Variants in CEMIP observed in about 807,000 individuals in gnomAD.
The protein encoded by CEMIP is cell migration inducing hyaluronidase 1.
CEMIP carries 105 observed loss-of-function variants against 156.9 expected under a neutral mutation model. The observed-to-expected ratio is 0.67, with a 90% CI of 0.57 to 0.79. The LOEUF is 0.79. Ranked by LOEUF, CEMIP falls within the 30% of genes least tolerant of loss-of-function variation. The pLI, the probability that CEMIP is intolerant of heterozygous loss-of-function variation, is 0.00. For synonymous variants in CEMIP, 676 were observed against 668.4 expected (o/e 1.01, Z -0.17); for missense variants, 1,457 against 1,769.4 (o/e 0.82, Z 3.17).
intron 7 of CEMIP, 71 bp from the exon 8 acceptor site, chr15:80,887,623 T>C: frequency 1.7e-6 from 2 of 1,209,022 alleles, no homozygotes; most frequent in Non-Finnish European, 2.4e-6. Context: ...CTCTGCCCCA[T>C]CCCCCCACAC....
intron 1 of CEMIP, among the ~76,000 whole-genome samples, chr15:80,835,744 T>A (rs1347850815): frequency 2.6e-5 from 4 of 152,352 alleles, no homozygotes; most frequent in South Asian, 2.1e-4. Flanking sequence ...GTTTCCTCTT[T>A]CTTAGGGACC....
intron 1 of CEMIP, among the ~76,000 whole-genome samples, chr15:80,829,512 C>T (rs1170208338): frequency 1.3e-5 from 2 of 152,216 alleles, no homozygotes; most frequent in African/African-American, 4.8e-5. Context: ...ACCGCCCTGC[C>T]ATGTTGGGCA....
At chr15:80,864,330 C>T (rs1031819899) in intron 1 of CEMIP, among the ~76,000 whole-genome samples, 1 of 152,250 alleles carries the variant, frequency 6.6e-6, no homozygotes, top group Non-Finnish European at 1.5e-5. Context: ...CTGTGGCAAG[C>T]TTTCAAGAAA....
intron 21 of CEMIP, among the ~76,000 whole-genome samples, chr15:80,929,804 T>C (rs555021662): frequency 1.1e-4 from 17 of 152,350 alleles, no homozygotes; most frequent in African/African-American, 3.8e-4. Flanking sequence ...ATAGCAGGAC[T>C]GTCCTGAGGA....
At chr15:80,846,997 G>A (rs1186064035) in intron 1 of CEMIP, among the ~76,000 whole-genome samples, 1 of 152,208 alleles carries the variant, frequency 6.6e-6, no homozygotes, top group African/African-American at 2.4e-5. Flanking sequence ...AGGAAATTGT[G>A]TATTTTAGAA....
intron 1 of CEMIP, among the ~76,000 whole-genome samples, chr15:80,843,729 T>G (rs1008188670): frequency 1.3e-5 from 2 of 152,204 alleles, no homozygotes; most frequent in Non-Finnish European, 2.9e-5. Context: ...TCCATCTCTA[T>G]CAGCTCATGG....
At chr15:80,920,382 C>T in intron 15 of CEMIP, 83 bp downstream of exon 15, 2 of 1,311,650 alleles carry the variant, frequency 1.5e-6, no homozygotes, top group East Asian at 2.5e-5. Flanking sequence ...CAGCCCAGCA[C>T]CAGACTTCTG....
chr15:80,893,833 T>C (rs1180189645), intron 10 of CEMIP, among the ~76,000 whole-genome samples: 2 of 147,744 alleles, frequency 1.4e-5, no homozygotes, highest in Non-Finnish European at 3.0e-5. Flanking sequence ...AAAAGTCTCC[T>C]CTTTTTTTTT....
In CEMIP at chr15:80,906,833, A is replaced by C; in HGVS notation, c.1582A>C (p.Ile528Leu). ...TGACTTCGATACCTTTGGGGGCCAC[A>C]TCAAGGTATGTGTCTCTCTGGCAGA... is the stretch of plus-strand genomic sequence containing the variant. ...FFDFDTFGGH[I>L]KFALGFKAAH... Residue 528 changes from isoleucine to leucine, a missense_variant, in exon 13 of 30, where the codon ATC becomes CTC. This residue lies in a region of CEMIP where 280 missense variants were observed against 300.3 expected (regional missense o/e 0.93). Coordinates refer to ENST00000394685, the MANE Select transcript of CEMIP (RefSeq NM_001293298.2). The surrounding 1 kb of genome is among the most constrained non-coding windows in gnomAD (Gnocchi z 4.3). 6.2e-7 allele frequency: 1 copy of C among 1,612,778 alleles called. No individual in the cohort carries two copies. Among genetic ancestry groups the C allele is most frequent in the Non-Finnish European group, 8.5e-7 (1 of 1,179,316 alleles).
intron 5 of CEMIP, among the ~76,000 whole-genome samples, chr15:80,880,420 G>T (rs186769136): frequency 6.6e-6 from 1 of 152,290 alleles, no homozygotes; most frequent in Admixed American, 6.5e-5. Context: ...AGATTGGGTT[G>T]CTAATGTTTT....
intron 1 of CEMIP, among the ~76,000 whole-genome samples, chr15:80,829,804 G>C (rs1897113896): frequency 6.6e-6 from 1 of 152,200 alleles, no homozygotes; most frequent in Non-Finnish European, 1.5e-5. Flanking sequence ...TACCTTTAAG[G>C]AGTATTGGGT....
At chr15:80,785,029 A>C (rs3848178) in intron 1 of CEMIP, among the ~76,000 whole-genome samples, 73,031 of 152,100 alleles carry the variant, frequency 0.48, 18,201 homozygotes, top group South Asian at 0.69. Flanking sequence ...CCATCTTATC[A>C]GCAGACTAAA....
intron 1 of CEMIP, among the ~76,000 whole-genome samples, chr15:80,856,661 C>T (rs1185179153): frequency 6.6e-6 from 1 of 152,182 alleles, no homozygotes. Flanking sequence ...ATCTCTGTCA[C>T]AGCTCCCTGG....
rs866758862 is a variant in CEMIP at position 80,854,287 on chromosome 15, G to A, written c.-175-19251G>A. ...TGGGCCACAGCTCAGCTCTGCAAATGTAGCCAGAGCCTGAGGCGGGGGCTC... is the reference window on the plus strand; with the variant it reads ...TGGGCCACAGCTCAGCTCTGCAAATATAGCCAGAGCCTGAGGCGGGGGCTC... On this transcript the variant is annotated intron_variant, in intron 1 of 29. Transcript: ENST00000394685. 5.9e-5 allele frequency among the ~76,000 whole-genome samples: 9 copies of A among 152,386 alleles called. 1 individual carries two copies. In the South Asian group the frequency reaches 1.9e-3, roughly 32 times the overall value.
intron 1 of CEMIP, among the ~76,000 whole-genome samples, chr15:80,862,653 G>A (rs371869253): frequency 1.3e-5 from 2 of 152,196 alleles, no homozygotes; most frequent in Non-Finnish European, 2.9e-5. Context: ...GGGCTGGACT[G>A]GGGGGAGAAT....
At chr15:80,826,598 A>T (rs1201450898) in intron 1 of CEMIP, among the ~76,000 whole-genome samples, 1 of 152,182 alleles carries the variant, frequency 6.6e-6, no homozygotes, top group Non-Finnish European at 1.5e-5. Context: ...CTTTTAAATT[A>T]TGCAGGCCTC....
intron 14 of CEMIP, among the ~76,000 whole-genome samples, chr15:80,910,161 A>C (rs1356600053): frequency 6.6e-6 from 1 of 152,258 alleles, no homozygotes; most frequent in Non-Finnish European, 1.5e-5. Context: ...ATTAGTTTCC[A>C]TCATTTAAAA....
At chr15:80,856,483 G>A (rs912779750) in intron 1 of CEMIP, among the ~76,000 whole-genome samples, 16 of 152,180 alleles carry the variant, frequency 1.1e-4, no homozygotes, top group African/African-American at 3.6e-4. Flanking sequence ...TGTTCACTGT[G>A]AGATTCTTTC....
chr15:80,942,822 T>C, intron 27 of CEMIP, 123 bp from the exon 28 acceptor site: 1 of 1,139,426 alleles, frequency 8.8e-7, no homozygotes, highest in East Asian at 2.3e-5. Context: ...GATAATGGAG[T>C]TTACGCTTCA....
Sources: gnomAD v4.1 joint callset for allele counts (sites outside exome capture counted in the v4.1 genomes callset) on GRCh38, gnomAD v4.1.1 for gene constraint, gnomAD v4.1.1 regional missense constraint, Gnocchi (gnomAD v3.1) non-coding constraint, MANE v1.5 for transcripts, NCBI Gene and HGNC (gene_info 2026-07-23, HGNC 2026-07-21) for gene names.